FSTL4: variants seen among roughly 807,000 people sequenced by gnomAD.
FSTL4 encodes the protein follistatin-related protein 4.
A neutral mutation model predicts 78.2 loss-of-function variants in FSTL4; 28 were observed. The ratio of observed to expected loss-of-function variants is 0.36; its 90% CI spans 0.27 to 0.49. The LOEUF (loss-of-function observed/expected upper bound fraction) is 0.49, where lower values mean the gene tolerates loss of function less well. Among genes scored for constraint, FSTL4 ranks in the 20% least tolerant of loss-of-function variants. The pLI is 0.98. For missense variants in FSTL4, 922 were observed against 1,084.9 expected, an observed-to-expected ratio of 0.85 and a Z score of 2.11; for synonymous variants, 422 against 440.5, an observed-to-expected ratio of 0.96 and a Z score of 0.53.
chr5:133,744,393 C>A, the FSTL4 span, among the ~76,000 whole-genome samples: 11 of 152,184 alleles, frequency 7.2e-5, no homozygotes, highest in Middle Eastern at 3.2e-3. Context: ...GTGTGATAAG[C>A]GCCCCATGTA....
the FSTL4 span, among the ~76,000 whole-genome samples, chr5:133,650,825 T>C: frequency 1.4e-3 from 213 of 152,304 alleles, 3 homozygotes; most frequent in Middle Eastern, 0.034. Context: ...CCACAATCCA[T>C]ATATCAAGTT....
intron 4 of FSTL4, among the ~76,000 whole-genome samples, chr5:133,384,829 T>C (rs1755660646): frequency 6.6e-6 from 1 of 152,194 alleles, no homozygotes; most frequent in Non-Finnish European, 1.5e-5. Context: ...CAAAGCTCCT[T>C]TCCAGGCTTG....
At chr5:133,201,531 G>A (rs1016319855) in intron 15 of FSTL4, among the ~76,000 whole-genome samples, 1 of 152,208 alleles carries the variant, frequency 6.6e-6, no homozygotes, top group African/African-American at 2.4e-5. Context: ...ACATTGGTCA[G>A]TGTCTTCACT....
intron 13 of FSTL4, among the ~76,000 whole-genome samples, chr5:133,213,098 G>A (rs1242128832): frequency 1.3e-5 from 2 of 150,092 alleles, no homozygotes; most frequent in Non-Finnish European, 2.9e-5. Flanking sequence ...TGCCTCCCAG[G>A]TTCAAGTGAT....
intron 6 of FSTL4, 125 bp downstream of exon 6, chr5:133,312,529 C>T: frequency 6.4e-6 from 5 of 777,100 alleles, no homozygotes; most frequent in Non-Finnish European, 1.1e-5. Context: ...ACAAATTCAC[C>T]AGCTTTCCTC....
At chr5:133,282,298 C>T (rs991319495) in intron 6 of FSTL4, among the ~76,000 whole-genome samples, 2 of 152,100 alleles carry the variant, frequency 1.3e-5, no homozygotes, top group African/African-American at 4.8e-5. Flanking sequence ...AAACCACATG[C>T]TCAGGCAGTG....
At chr5:133,322,243 CCACACCCA>C (rs1406474057) in intron 4 of FSTL4, among the ~76,000 whole-genome samples, 2 of 112,696 alleles carry the variant, frequency 1.8e-5, no homozygotes, top group African/African-American at 8.6e-5. Context: ...ACACACACCC[CCACACCCA>C]CCCACACCCA....
At chr5:133,516,417 A>G (rs1424902720) in intron 3 of FSTL4, among the ~76,000 whole-genome samples, 1 of 152,216 alleles carries the variant, frequency 6.6e-6, no homozygotes, top group African/African-American at 2.4e-5. Flanking sequence ...AAAAAATCCA[A>G]AAGCAACCAA....
intron 2 of FSTL4, among the ~76,000 whole-genome samples, chr5:133,579,908 GTGAT>G (rs1561476329): frequency 6.6e-6 from 1 of 152,206 alleles, no homozygotes; most frequent in African/African-American, 2.4e-5. Context: ...GGGGCCAGCG[GTGAT>G]TGATCAGGCT....
chr5:133,710,158 T>A, the FSTL4 span, among the ~76,000 whole-genome samples: 1 of 152,146 alleles, frequency 6.6e-6, no homozygotes, highest in South Asian at 2.1e-4. Context: ...AGCCATCAGC[T>A]ATCAGCCATC....
At chr5:133,334,676 G>A (rs2126912367) in intron 4 of FSTL4, among the ~76,000 whole-genome samples, 1 of 152,344 alleles carries the variant, frequency 6.6e-6, no homozygotes, top group South Asian at 2.1e-4. Flanking sequence ...AAAGACAGCA[G>A]TTGCTTTGAG....
intron 3 of FSTL4, among the ~76,000 whole-genome samples, chr5:133,419,978 A>G (rs563172658): frequency 6.6e-6 from 1 of 152,364 alleles, no homozygotes; most frequent in East Asian, 1.9e-4. Flanking sequence ...AGTTTTATTC[A>G]TAGTAGTTCC....
chr5:133,560,015 G>A (rs574106433), intron 3 of FSTL4, among the ~76,000 whole-genome samples: 1 of 152,320 alleles, frequency 6.6e-6, no homozygotes, highest in African/African-American at 2.4e-5. Flanking sequence ...GACATGCCAG[G>A]CATCTAACAC....
chr5:133,550,460 T>C (rs902473060), intron 3 of FSTL4, among the ~76,000 whole-genome samples: 1 of 152,164 alleles, frequency 6.6e-6, no homozygotes, highest in African/African-American at 2.4e-5. Flanking sequence ...CCACTTAGAA[T>C]TAGAAGTCAC....
chr5:133,482,859 C>A (rs1338012646), intron 3 of FSTL4, among the ~76,000 whole-genome samples: 1 of 151,680 alleles, frequency 6.6e-6, no homozygotes, highest in Admixed American at 6.6e-5. Flanking sequence ...GACTCCTGGG[C>A]CCCTTGCTGA....
At chr5:133,694,342 C>T in the FSTL4 span, among the ~76,000 whole-genome samples, 14 of 152,210 alleles carry the variant, frequency 9.2e-5, no homozygotes, top group East Asian at 1.9e-4. Context: ...TTTGCCTGGG[C>T]GATCTGCCAT....
intron 4 of FSTL4, among the ~76,000 whole-genome samples, chr5:133,319,112 C>G (rs1753983076): frequency 6.6e-6 from 1 of 152,226 alleles, no homozygotes. Flanking sequence ...GCAGCATCCT[C>G]CCCAGGCTCG....
chr5:133,789,807 T>A, the FSTL4 span, among the ~76,000 whole-genome samples: 4 of 152,248 alleles, frequency 2.6e-5, no homozygotes, highest in African/African-American at 4.8e-5. Flanking sequence ...GAATCTCTGA[T>A]GTCTCTTCTT....
the FSTL4 span, among the ~76,000 whole-genome samples, chr5:133,624,815 CT>C: frequency 4.1e-4 from 62 of 151,452 alleles, no homozygotes; most frequent in Non-Finnish European, 7.5e-4. Flanking sequence ...TTATAATCAT[CT>C]TGTCTATATC....
Sources: gnomAD v4.1 joint callset for allele counts (sites outside exome capture counted in the v4.1 genomes callset) on GRCh38, gnomAD v4.1.1 for gene constraint, MANE v1.5 for transcripts, NCBI Gene and HGNC (gene_info 2026-07-23, HGNC 2026-07-21) for gene names.